KASH5: variants seen among roughly 807,000 people sequenced by gnomAD.
KASH5 encodes protein KASH5.
A neutral mutation model predicts 84.2 loss-of-function variants in KASH5; 72 were observed. The observed-to-expected ratio is 0.85, with a 90% CI of 0.71 to 1.04. The LOEUF (loss-of-function observed/expected upper bound fraction) is 1.04. KASH5 is among the 50% of genes least tolerant of loss of function. The pLI, the probability that KASH5 is intolerant of heterozygous loss-of-function variation, is 0.00. For synonymous variants in KASH5, 260 were observed against 279.1 expected (o/e 0.93, Z 0.68); for missense variants, 650 against 701.0 (o/e 0.93, Z 0.82).
chr19:49,405,956 CAAAAAAAAAAA>C lies in KASH5; in HGVS notation c.799-918_799-908del, dbSNP rs59895865. ...GGGCAACATGAGGGAAACTCCGTCTCAAAAAAAAAAAAAAAAAAAAAATTAGCTGGGTGTTG... is the reference window on the plus strand; with the variant it reads ...GGGCAACATGAGGGAAACTCCGTCTCAAAAAAAAAAATTAGCTGGGTGTTG... On this transcript the variant is annotated intron_variant, in intron 9 of 19. Coordinates refer to ENST00000447857, the MANE Select transcript of KASH5 (RefSeq NM_144688.5). 5.5e-3 allele frequency among the ~76,000 whole-genome samples: 375 copies of C among 67,854 alleles called. 3 individuals carry two copies. The highest frequency in any genetic ancestry group is 0.02 in the African/African-American group (351 of 17,426). 44.5% of individuals were successfully genotyped at this position (67,854 alleles called of 152,430 possible).
intron 2 of KASH5, among the ~76,000 whole-genome samples, chr19:49,391,327 T>G (rs1973998193): frequency 6.6e-6 from 1 of 152,174 alleles, no homozygotes; most frequent in Non-Finnish European, 1.5e-5. Context: ...TGCTAGAGCA[T>G]GAGCTCCACA....
chr19:49,407,397 G>C, intron 11 of KASH5, 101 bp downstream of exon 11: 1 of 1,328,872 alleles, frequency 7.5e-7, no homozygotes. Flanking sequence ...CTGATCCTTG[G>C]ATGTGCAGCT....
In KASH5 at chr19:49,395,630, T is replaced by G; in HGVS notation, c.336-139T>G. 1 of 822,782 alleles carries G rather than the reference T, an allele frequency of 1.2e-6. No individual in the cohort carries two copies. Among genetic ancestry groups the G allele is most frequent in the Admixed American group, 2.3e-5 (1 of 42,850 alleles). The allele number at this position is 822,782 out of a possible 1,614,324, so 51.0% of individuals were successfully genotyped here. A position where few individuals can be genotyped will look rare whatever the true frequency, so the allele number is the denominator to read the frequency against. On this transcript the variant is annotated intron_variant, in intron 4 of 19. Coordinates refer to ENST00000447857, the MANE Select transcript of KASH5 (RefSeq NM_144688.5). The surrounding 1 kb of genome is among the most constrained non-coding windows in gnomAD (Gnocchi z 4.4). ...CATCTGGCCACGGGCACTTGCCATC[T>G]GGCCTCACCCTCCTACCCTGTGGTG...
chr19:49,414,896 C>T lies in KASH5; in HGVS notation c.1329-55C>T. On this transcript the variant is annotated intron_variant, in intron 16 of 19. Transcript: ENST00000447857. The surrounding 1 kb of genome is among the most constrained non-coding windows in gnomAD (Gnocchi z 4.5). ...GGCTTCTCTCCCAGCCCATAGTAGG[C>T]AAAGGGAACCAGGGAGAAGAGGACG... 6.3e-7 allele frequency: 1 copy of T among 1,586,590 alleles called. No homozygotes were observed. Among genetic ancestry groups the T allele is most frequent in the Non-Finnish European group, 8.6e-7 (1 of 1,165,906 alleles).
intron 16 of KASH5, 30 bp downstream of exon 16, chr19:49,413,056 G>C (rs374583147): frequency 8.1e-6 from 13 of 1,605,638 alleles, no homozygotes; most frequent in Admixed American, 3.3e-5. Context: ...GTCTGCCTCA[G>C]GGTGACACCT....
intron 2 of KASH5, 83 bp downstream of exon 2, chr19:49,391,009 C>A: frequency 6.7e-7 from 1 of 1,497,532 alleles, no homozygotes; most frequent in Non-Finnish European, 9.2e-7. Flanking sequence ...GACTCGGGGA[C>A]TTGGGAGAGG....
intron 16 of KASH5, 144 bp downstream of exon 16, chr19:49,413,170 G>T: frequency 9.9e-6 from 8 of 804,518 alleles, no homozygotes; most frequent in Non-Finnish European, 1.4e-5. Flanking sequence ...ACCTGGGCCT[G>T]TAGGCCAGGA....
chr19:49,415,064 A>G, intron 17 of KASH5, 68 bp downstream of exon 17: 1 of 1,448,342 alleles, frequency 6.9e-7, no homozygotes, highest in Non-Finnish European at 9.6e-7. Context: ...GAGTCGTTTC[A>G]ACTCTTCCCA....
intron 9 of KASH5, among the ~76,000 whole-genome samples, chr19:49,404,167 G>C (rs1483131319): frequency 6.6e-6 from 1 of 152,182 alleles, no homozygotes; most frequent in Non-Finnish European, 1.5e-5. Context: ...CTGAGACAGA[G>C]GGAGAGCAGC....
chr19:49,397,113 G>T (rs995168331), intron 5 of KASH5, among the ~76,000 whole-genome samples: 2 of 151,962 alleles, frequency 1.3e-5, no homozygotes, highest in East Asian at 3.9e-4. Context: ...TACAAAAAAC[G>T]GTGGGGAAGG....
At chr19:49,411,981 A>AAGCC (rs150150860) in intron 15 of KASH5, among the ~76,000 whole-genome samples, 25 of 150,450 alleles carry the variant, frequency 1.7e-4, no homozygotes, top group African/African-American at 5.6e-4. Context: ...GGAAAGAAGG[A>AAGCC]AGCCAGCCTT....
chr19:49,407,383 G>A (rs1340210100), intron 11 of KASH5, 87 bp downstream of exon 11: 16 of 1,429,292 alleles, frequency 1.1e-5, no homozygotes, highest in Non-Finnish European at 1.9e-6. Context: ...AGTCCTACTT[G>A]GGTCTGATCC....
chr19:49,402,135 G>T (rs565744893), intron 9 of KASH5, among the ~76,000 whole-genome samples: 38 of 152,024 alleles, frequency 2.5e-4, no homozygotes, highest in African/African-American at 8.0e-4. Flanking sequence ...CCAGCTACTC[G>T]GGAGGCTGAG....
At position 49,417,254 on chromosome 19, in the gene KASH5, C is replaced by T; in HGVS notation, c.1535C>T (p.Pro512Leu). ...RRAWGQLCLPPQRLRVTRHPL... is the reference protein window; with the variant it reads ...RRAWGQLCLPLQRLRVTRHPL... Reference sequence around the variant, plus strand: ...GCCTGGGGCCAGCTCTGCCTGCCCCCACAGCGGCTCAGGTGTGCCCCCAGG... The same window carrying T: ...GCCTGGGGCCAGCTCTGCCTGCCCCTACAGCGGCTCAGGTGTGCCCCCAGG... The change falls in exon 19 of 20, where the codon CCA becomes CTA. Residue 512 changes from proline (P) to leucine (L), a missense_variant. Physicochemically the swap from Pro to Leu is moderately conservative, Grantham distance 98. Transcript: ENST00000447857. The surrounding 1 kb of genome is among the most constrained non-coding windows in gnomAD (Gnocchi z 5.2). 6.2e-7 allele frequency: 1 copy of T among 1,612,832 alleles called. No individual in the cohort carries two copies. Among genetic ancestry groups the T allele is most frequent in the African/African-American group, 1.3e-5 (1 of 75,040 alleles).
chr19:49,394,486 G>C lies in KASH5; in HGVS notation c.54G>C (p.Arg18=). The C allele has an allele frequency of 6.2e-7, 1 of 1,613,718 alleles. No individual in the cohort carries two copies. Among genetic ancestry groups the C allele is most frequent in the Non-Finnish European group, 8.5e-7 (1 of 1,179,776 alleles). Residue 18 remains arginine (R), a synonymous_variant, in exon 3 of 20, where the codon CGG becomes CGC. Transcript: ENST00000447857. ...CTCTTGTCTCCCCAGTGTACCTCCG[G>C]GAGCGGCCTGAGGAGGCAAGGCTGG... ...VGGPTAEMYL[R]ERPEEARLGM...
At chr19:49,407,149 G>T (rs566432841) in intron 10 of KASH5, 91 bp from the exon 11 acceptor site, 3 of 1,461,334 alleles carry the variant, frequency 2.1e-6, no homozygotes, top group Non-Finnish European at 2.8e-6. Context: ...GAATACGTGG[G>T]GGTGCGAGAG....
At position 49,398,152 on chromosome 19, in the gene KASH5, G is replaced by A. The variant is rs765172965; in HGVS notation, c.629+9G>A. 3.2e-6 allele frequency: 5 copies of A among 1,560,516 alleles called. No homozygotes were observed. In the East Asian group the frequency reaches 9.1e-5, roughly 28 times the overall value. ...CGTAAGCAGCTTCACAGGTGGGCTG[G>A]ATGCCACACCCACCCTCCCCAGCGC... On this transcript the variant is annotated intron_variant, in intron 7 of 19. Transcript: ENST00000447857.
At position 49,417,628 on chromosome 19, in the gene KASH5, G is replaced by A. The variant is rs1974955800; in HGVS notation, c.*118G>A. On this transcript the variant is annotated 3_prime_UTR_variant, in exon 20 of 20. Coordinates refer to ENST00000447857, the MANE Select transcript of KASH5 (RefSeq NM_144688.5). This position sits in a 1 kb window ranked among gnomAD's most constrained non-coding sequence, Gnocchi z 5.2. ...CAGGCTTACCCTAGATAGAGTACAG[G>A]GGATCCACATCCCTGTATTTTTATG... The A allele has an allele frequency of 5.6e-6, 7 of 1,255,748 alleles. No individual in the cohort carries two copies. The highest frequency in any genetic ancestry group is 6.6e-5 in the Admixed American group (2 of 30,414). 77.8% of individuals were successfully genotyped at this position (1,255,748 alleles called of 1,614,324 possible). A position where few individuals can be genotyped will look rare whatever the true frequency, so the allele number is the denominator to read the frequency against.
chr19:49,408,993 G>A lies in KASH5; in HGVS notation c.1020G>A (p.Leu340=), dbSNP rs1194403929. The A allele has an allele frequency of 1.9e-6, 3 of 1,591,936 alleles. No homozygotes were observed. Among genetic ancestry groups the A allele is most frequent in the African/African-American group, 2.7e-5 (2 of 74,658 alleles). ...TQELRLEISR[L]EEQLSQTYEG... is the part of the protein sequence containing the mutation. ...AACTGAGGCTGGAGATTTCACGCCTGGAGGAGCAGCTGAGTCAGACCTATG... is the reference window on the plus strand; with the variant it reads ...AACTGAGGCTGGAGATTTCACGCCTAGAGGAGCAGCTGAGTCAGACCTATG... The change falls in exon 13 of 20, where the codon CTG becomes CTA. Residue 340 remains leucine (L), a synonymous_variant. Coordinates refer to ENST00000447857, the MANE Select transcript of KASH5 (RefSeq NM_144688.5).
Sources: allele counts gnomAD v4.1 joint callset (sites outside exome capture counted in the v4.1 genomes callset), GRCh38; gene constraint gnomAD v4.1.1; non-coding constraint Gnocchi (gnomAD v3.1); transcripts MANE v1.5; gene names NCBI Gene and HGNC (gene_info 2026-07-23, HGNC 2026-07-21).